Variants in BTG4 observed in about 807,000 individuals in gnomAD.
BTG4 encodes protein BTG4.
Under a neutral mutation model 19.3 loss-of-function variants are expected in BTG4, and 10 were observed. The ratio of observed to expected loss-of-function variants is 0.52; its 90% CI spans 0.32 to 0.88. BTG4 has a LOEUF of 0.88. Among genes scored for constraint, BTG4 ranks in the 40% least tolerant of loss-of-function variants. The pLI, the probability that BTG4 is intolerant of heterozygous loss-of-function variation, is 0.04. For missense variants in BTG4, 238 were observed against 281.9 expected, an observed-to-expected ratio of 0.84 and a Z score of 1.11; for synonymous variants, 91 against 95.7, an observed-to-expected ratio of 0.95 and a Z score of 0.29.
the BTG4 span, among the ~76,000 whole-genome samples, chr11:111,422,760 C>T: frequency 2.0e-5 from 3 of 152,152 alleles, no homozygotes; most frequent in South Asian, 2.1e-4. Context: ...AGAATGGACA[C>T]GAGACACCCA....
At chr11:111,467,690 C>G (rs757932307) in intron 5 of BTG4, 2 of 760,520 alleles carry the variant, frequency 2.6e-6, no homozygotes, top group Non-Finnish European at 4.9e-6. Context: ...TTCTGGGGTC[C>G]AGTATAGATA....
chr11:111,457,896 T>C, the BTG4 span: 3 of 152,506 alleles, frequency 2.0e-5, no homozygotes, highest in Non-Finnish European at 4.4e-5. Context: ...AACCTCTTGC[T>C]GCCTGGTGAC....
chr11:111,497,101 TAC>T (rs1292488092), intron 4 of BTG4, 108 bp downstream of exon 4: 10 of 1,104,408 alleles, frequency 9.1e-6, no homozygotes, highest in South Asian at 1.5e-5. Flanking sequence ...TTTAAAAATC[TAC>T]AGTTTTGTTC....
chr11:111,408,778 T>C, the BTG4 span, among the ~76,000 whole-genome samples: 1 of 152,324 alleles, frequency 6.6e-6, no homozygotes, highest in East Asian at 1.9e-4. Flanking sequence ...ACAAAGACAT[T>C]TGTCAAGAAC....
At chr11:111,465,503 A>T (rs549462808), downstream of BTG4, among the ~76,000 whole-genome samples, 79 of 152,370 alleles carry the variant, frequency 5.2e-4, no homozygotes, top group African/African-American at 1.7e-3. Flanking sequence ...ACAACAACCC[A>T]GTAAACTATG....
chr11:111,475,359 T>C (rs1864339806), intron 5 of BTG4: 1 of 152,138 alleles, frequency 6.6e-6, no homozygotes, highest in Non-Finnish European at 1.5e-5. Context: ...CTTATTAAAA[T>C]ATGTATTAAA....
At chr11:111,477,860 A>G (rs528425152) in intron 5 of BTG4, among the ~76,000 whole-genome samples, 1 of 152,098 alleles carries the variant, frequency 6.6e-6, no homozygotes. Flanking sequence ...AAACAACAAG[A>G]AAAAACTGGC....
the BTG4 span, among the ~76,000 whole-genome samples, chr11:111,388,966 T>A: frequency 6.6e-6 from 1 of 152,196 alleles, no homozygotes; most frequent in East Asian, 1.9e-4. Context: ...AGCCCTCCAG[T>A]GACTCAGGAG....
In BTG4 at chr11:111,470,720, C is replaced by T. The variant is rs539587979; in HGVS notation, c.663-3039G>A. ...TCACTTGAGCCCAGGAGTCTGAGAC[C>T]AGCCTGGGCAACACAGTGAGACCCC... On this transcript the variant is annotated intron_variant, in intron 5 of 5. Coordinates refer to the BTG4 transcript ENST00000356018. Among the ~76,000 whole-genome samples, 35 of 152,102 alleles carry T rather than the reference C, an allele frequency of 2.3e-4. No homozygotes were observed. In the East Asian group the frequency reaches 6.6e-3, roughly 29 times the overall value.
the BTG4 span, among the ~76,000 whole-genome samples, chr11:111,399,518 T>C: frequency 6.6e-6 from 1 of 152,194 alleles, no homozygotes; most frequent in Non-Finnish European, 1.5e-5. Flanking sequence ...CCCCTTCACT[T>C]TCTAGCCCCA....
intron 5 of BTG4, among the ~76,000 whole-genome samples, chr11:111,489,585 T>C (rs768570196): frequency 1.3e-5 from 2 of 152,160 alleles, no homozygotes; most frequent in Non-Finnish European, 2.9e-5. Flanking sequence ...ATATACACAA[T>C]GGAACATTAT....
At chr11:111,401,241 C>G in the BTG4 span, among the ~76,000 whole-genome samples, 1 of 152,010 alleles carries the variant, frequency 6.6e-6, no homozygotes, top group African/African-American at 2.4e-5. Context: ...AATCCCAGCA[C>G]TTTGGGAGGC....
At chr11:111,413,387 G>A in the BTG4 span, among the ~76,000 whole-genome samples, 4 of 152,352 alleles carry the variant, frequency 2.6e-5, no homozygotes, top group Non-Finnish European at 4.4e-5. Flanking sequence ...TGCACACGCC[G>A]GTTTGAGAAG....
chr11:111,468,349 G>C (rs1365735653), intron 5 of BTG4, among the ~76,000 whole-genome samples: 1 of 152,202 alleles, frequency 6.6e-6, no homozygotes, highest in East Asian at 1.9e-4. Context: ...TTACAGGCAT[G>C]GTCTCATTTA....
At chr11:111,493,724 T>A (rs1489030427), downstream of BTG4, among the ~76,000 whole-genome samples, 1 of 152,192 alleles carries the variant, frequency 6.6e-6, no homozygotes, top group Non-Finnish European at 1.5e-5. Context: ...AACTCACTTT[T>A]CAGCAGAGAA....
chr11:111,386,213 T>A, the BTG4 span: 2 of 152,176 alleles, frequency 1.3e-5, no homozygotes, highest in African/African-American at 4.8e-5. Context: ...TACACATAAT[T>A]TTTTGTATAT....
intron 1 of BTG4, among the ~76,000 whole-genome samples, chr11:111,502,486 C>T (rs1866154781): frequency 6.6e-6 from 1 of 152,116 alleles, no homozygotes; most frequent in African/African-American, 2.4e-5. Flanking sequence ...CATTTATTCT[C>T]GTATTTTCTA....
chr11:111,391,289 T>G, the BTG4 span, among the ~76,000 whole-genome samples: 2 of 152,186 alleles, frequency 1.3e-5, no homozygotes, highest in African/African-American at 4.8e-5. Flanking sequence ...CTCATACTGT[T>G]CAGAGTCTTG....
At chr11:111,488,255 C>T (rs776475696) in intron 5 of BTG4, among the ~76,000 whole-genome samples, 1 of 152,172 alleles carries the variant, frequency 6.6e-6, no homozygotes. Flanking sequence ...TAAGAACATA[C>T]ACATTGACCA....
Sources: allele counts gnomAD v4.1 joint callset (sites outside exome capture counted in the v4.1 genomes callset), GRCh38; gene constraint gnomAD v4.1.1; transcripts MANE v1.5; gene names NCBI Gene and HGNC (gene_info 2026-07-23, HGNC 2026-07-21).